MMP26: variants seen among roughly 807,000 people sequenced by gnomAD.
MMP26 encodes matrix metallopeptidase 26, also known as matrix metalloproteinase-26.
MMP26 carries 33 observed loss-of-function variants against 31.0 expected under a neutral mutation model. That is an observed-to-expected ratio of 1.06 (90% CI 0.81 to 1.42). The LOEUF (loss-of-function observed/expected upper bound fraction) is 1.42. Ranked by LOEUF, MMP26 falls within the 40% of genes most tolerant of loss-of-function variation. The pLI is 0.00. For missense variants in MMP26, 347 were observed against 316.1 expected, an observed-to-expected ratio of 1.10 and a Z score of -0.74; for synonymous variants, 122 against 114.9, an observed-to-expected ratio of 1.06 and a Z score of -0.40.
At chr11:4,764,698 C>A (rs1296570506) in intron 1 of MMP26, among the ~76,000 whole-genome samples, 3 of 152,132 alleles carry the variant, frequency 2.0e-5, no homozygotes, top group Non-Finnish European at 4.4e-5. Flanking sequence ...ACGGTGAAAC[C>A]CCGTCTCTAC....
intron 2 of MMP26, chr11:4,848,291 A>T: frequency 6.2e-7 from 1 of 1,613,816 alleles, no homozygotes; most frequent in Non-Finnish European, 8.5e-7. Context: ...TTCTCTTTCT[A>T]ATCTCCTTCA....
chr11:4,796,643 A>G (rs1849111432), intron 2 of MMP26, among the ~76,000 whole-genome samples: 1 of 152,160 alleles, frequency 6.6e-6, no homozygotes, highest in African/African-American at 2.4e-5. Flanking sequence ...CTGATAGGTG[A>G]TTACTGTTTT....
intron 2 of MMP26, among the ~76,000 whole-genome samples, chr11:4,873,563 A>T (rs772207737): frequency 6.6e-6 from 1 of 152,144 alleles, no homozygotes; most frequent in Non-Finnish European, 1.5e-5. Flanking sequence ...TGATCAAAAT[A>T]TATAAATAAT....
intron 2 of MMP26, among the ~76,000 whole-genome samples, chr11:4,878,885 C>A (rs1426122792): frequency 6.6e-6 from 1 of 152,024 alleles, no homozygotes; most frequent in East Asian, 1.9e-4. Context: ...GGGATAAGCA[C>A]CTTTGCTCAG....
intron 2 of MMP26, chr11:4,923,841 G>C: frequency 6.2e-7 from 1 of 1,613,952 alleles, no homozygotes; most frequent in Non-Finnish European, 8.5e-7. Context: ...TATTGGAAGC[G>C]CTTCAGGAGG....
intron 2 of MMP26, among the ~76,000 whole-genome samples, chr11:4,820,709 T>A (rs1192438752): frequency 6.6e-6 from 1 of 152,132 alleles, no homozygotes; most frequent in African/African-American, 2.4e-5. Context: ...TCTCTCAACA[T>A]TTAGGCAGTG....
intron 1 of MMP26, among the ~76,000 whole-genome samples, chr11:4,744,337 A>G (rs954208302): frequency 6.6e-6 from 1 of 152,218 alleles, no homozygotes; most frequent in African/African-American, 2.4e-5. Flanking sequence ...TTCCTATTGT[A>G]AATTCTTAAT....
intron 1 of MMP26, among the ~76,000 whole-genome samples, chr11:4,766,693 T>TTCCCTCCCTCCCTCCTTCCC: frequency 2.0e-5 from 1 of 49,344 alleles, no homozygotes; most frequent in Non-Finnish European, 3.9e-5. Flanking sequence ...CCACTTTCCT[T>TTCCCTCCCTCCCTCCTTCCC]TCCCTCCCTC....
intron 2 of MMP26, among the ~76,000 whole-genome samples, chr11:4,978,047 T>C (rs1846762245): frequency 6.6e-6 from 1 of 152,026 alleles, no homozygotes. Flanking sequence ...TCATGAGATC[T>C]CATGGTTTTA....
chr11:4,896,684 T>C (rs1474961981), intron 2 of MMP26, among the ~76,000 whole-genome samples: 2 of 152,202 alleles, frequency 1.3e-5, no homozygotes, highest in African/African-American at 2.4e-5. Context: ...CGAGGTGTTT[T>C]CCCTTTTTTA....
chr11:4,854,671 C>T (rs1250166446), intron 2 of MMP26, among the ~76,000 whole-genome samples: 1 of 152,206 alleles, frequency 6.6e-6, no homozygotes, highest in East Asian at 1.9e-4. Flanking sequence ...GCAGAAACTT[C>T]TGCAGACTTA....
chr11:4,816,697 CTTTTTTTT>C (rs747753151), intron 2 of MMP26, among the ~76,000 whole-genome samples: 4 of 79,392 alleles, frequency 5.0e-5, no homozygotes, highest in African/African-American at 1.6e-4. Context: ...TGGGTGCCTT[CTTTTTTTT>C]TTTTTTTTTT....
At chr11:4,752,816 G>A (rs1221803884) in intron 1 of MMP26, 1 of 153,146 alleles carries the variant, frequency 6.5e-6, no homozygotes, top group African/African-American at 2.4e-5. Flanking sequence ...TCTCATGGAG[G>A]GTTGGCTCAG....
chr11:4,820,784 G>A (rs1181983191), intron 2 of MMP26, among the ~76,000 whole-genome samples: 1 of 152,110 alleles, frequency 6.6e-6, no homozygotes, highest in Non-Finnish European at 1.5e-5. Context: ...CAAAATTCGT[G>A]TACGATCTAT....
At chr11:4,914,892 T>C (rs1851052353) in intron 2 of MMP26, 1 of 1,613,798 alleles carries the variant, frequency 6.2e-7, no homozygotes, top group Non-Finnish European at 8.5e-7. Context: ...ATCATGGGAG[T>C]GTAGAAGAGC....
intron 2 of MMP26, among the ~76,000 whole-genome samples, chr11:4,793,446 G>A (rs1204105095): frequency 2.0e-5 from 3 of 152,102 alleles, no homozygotes; most frequent in African/African-American, 7.2e-5. Context: ...CGTAAATGAA[G>A]AGTCAAGGTA....
chr11:4,854,759 G>C (rs185906822), intron 2 of MMP26, among the ~76,000 whole-genome samples: 1 of 152,218 alleles, frequency 6.6e-6, no homozygotes, highest in African/African-American at 2.4e-5. Context: ...TGGACAGACT[G>C]TCTCCTCAAG....
intron 2 of MMP26, chr11:4,876,740 A>T (rs1850384463): frequency 1.3e-5 from 1 of 79,786 alleles, no homozygotes; most frequent in South Asian, 5.1e-4. Flanking sequence ...CCATGAGCCC[A>T]TGTATTTTTC....
chr11:4,758,883 G>A (rs546368429), intron 1 of MMP26, among the ~76,000 whole-genome samples: 39 of 151,830 alleles, frequency 2.6e-4, no homozygotes, highest in African/African-American at 8.7e-4. Context: ...AAGACGAGGC[G>A]GGCAGATCAC....
Sources: allele counts gnomAD v4.1 joint callset (sites outside exome capture counted in the v4.1 genomes callset), GRCh38; gene constraint gnomAD v4.1.1; transcripts MANE v1.5; gene names NCBI Gene and HGNC (gene_info 2026-07-23, HGNC 2026-07-21).